TAF4: variants seen among roughly 807,000 people sequenced by gnomAD.
TAF4 encodes the protein transcription initiation factor TFIID subunit 4.
TAF4 carries 9 observed loss-of-function variants against 90.3 expected under a neutral mutation model. The ratio of observed to expected loss-of-function variants is 0.10; its 90% confidence interval spans 0.06 to 0.17. TAF4 has a LOEUF of 0.17. Ranked by LOEUF, TAF4 falls within the 10% of genes least tolerant of loss-of-function variation. TAF4 has a pLI of 1.00. For missense variants in TAF4, 1,351 were observed against 1,370.7 expected, an observed-to-expected ratio of 0.99 and a Z score of 0.23; for synonymous variants, 818 against 638.9, an observed-to-expected ratio of 1.28 and a Z score of -4.23.
At position 62,014,652 on chromosome 20, in the gene TAF4, G is replaced by C; in HGVS notation, c.1416C>G (p.Ala472=). 1.9e-6 allele frequency: 3 copies of C among 1,614,070 alleles called. No individual in the cohort carries two copies. The highest frequency in any genetic ancestry group is 1.7e-6 in the Non-Finnish European group (2 of 1,179,992). ...GGGCCTGCGCCTGCATCTGGGCCAA[G>C]GCCTGCTGAGGAATCATTAACAACT... ...NGQLLMIPQQ[A]LAQMQAQAHA... Residue 472 remains alanine, a synonymous_variant, in exon 2 of 15, where the codon GCC becomes GCG. Coordinates refer to ENST00000252996, the MANE Select transcript of TAF4 (RefSeq NM_003185.4).
At chr20:62,002,722 C>T (rs375265312) in intron 9 of TAF4, among the ~76,000 whole-genome samples, 2 of 152,100 alleles carry the variant, frequency 1.3e-5, no homozygotes, top group East Asian at 1.9e-4. Flanking sequence ...CTCAAACTCC[C>T]GGGCTCAAGC....
intron 1 of TAF4, among the ~76,000 whole-genome samples, chr20:62,032,584 T>A (rs1452614874): frequency 6.6e-6 from 1 of 152,196 alleles, no homozygotes; most frequent in African/African-American, 2.4e-5. Flanking sequence ...TCCCCAGCAC[T>A]CAACTCCCAA....
Position 62,065,275 on chromosome 20 carries a change from C to A in TAF4, c.536G>T (p.Gly179Val), listed in dbSNP as rs1251711877. Residue 179 changes from glycine to valine, a missense_variant, in exon 1 of 15, where the codon GGC becomes GTC. Physicochemically the swap from Gly to Val is moderately radical, Grantham distance 109. Coordinates refer to ENST00000252996, the MANE Select transcript of TAF4 (RefSeq NM_003185.4). ...GCCAGGGCCAGGGCCGGGGCCGGGG[C>A]CGGGGCCGGGCCCGGGGCCGGGGCC... ...RAGPGPGPGPGPGPGPGPGKP... is the reference protein window; with the variant it reads ...RAGPGPGPGPVPGPGPGPGKP... 5.4e-6 allele frequency: 5 copies of A among 921,850 alleles called. No homozygotes were observed. Among genetic ancestry groups the A allele is most frequent in the South Asian group, 4.9e-5 (1 of 20,462 alleles). 57.1% of individuals were successfully genotyped at this position (921,850 alleles called of 1,614,324 possible). A position where few individuals can be genotyped will look rare whatever the true frequency, so the allele number is the denominator to read the frequency against.
chr20:62,056,169 G>A (rs980218931), intron 1 of TAF4, among the ~76,000 whole-genome samples: 16 of 152,122 alleles, frequency 1.1e-4, no homozygotes, highest in African/African-American at 2.9e-4. Flanking sequence ...CCCGGGAGGC[G>A]GAGGTTGCAG....
chr20:61,985,630 A>G (rs1207142200), intron 14 of TAF4, among the ~76,000 whole-genome samples: 1 of 151,684 alleles, frequency 6.6e-6, no homozygotes, highest in Non-Finnish European at 1.5e-5. Flanking sequence ...AACTGAACAC[A>G]GAAGTACATC....
chr20:61,976,351 GAGA>G lies in TAF4; in HGVS notation c.3091-19_3091-17del. Reference sequence around the variant, plus strand: ...GGCCCGACCCCTGGTGATGAAAAAGGAGAAGACAGTGTGTTAGTGGGGCTCAGA... The same window carrying G: ...GGCCCGACCCCTGGTGATGAAAAAGGAGACAGTGTGTTAGTGGGGCTCAGA... On this transcript the variant is annotated splice_polypyrimidine_tract_variant and intron_variant, in intron 14 of 14. Coordinates refer to ENST00000252996, the MANE Select transcript of TAF4 (RefSeq NM_003185.4). 1 of 1,612,320 alleles carries G rather than the reference GAGA, an allele frequency of 6.2e-7. No individual in the cohort carries two copies. The highest frequency in any genetic ancestry group is 1.1e-5 in the South Asian group (1 of 91,032).
chr20:62,007,954 G>C (rs1301015492), intron 5 of TAF4: 2 of 218,892 alleles, frequency 9.1e-6, no homozygotes, highest in Non-Finnish European at 1.8e-5. Flanking sequence ...TCGGTGTCAG[G>C]CATTTTGCTA....
intron 1 of TAF4, among the ~76,000 whole-genome samples, chr20:62,061,690 C>T (rs1365902894): frequency 6.6e-6 from 1 of 152,228 alleles, no homozygotes; most frequent in Non-Finnish European, 1.5e-5. Flanking sequence ...CTATCCTAAG[C>T]TGTACATAAC....
intron 1 of TAF4, among the ~76,000 whole-genome samples, chr20:62,053,310 G>A (rs1031627094): frequency 9.5e-6 from 1 of 104,864 alleles, no homozygotes; most frequent in African/African-American, 3.9e-5. Flanking sequence ...CCTGAAACCA[G>A]GAGCCCATGA....
chr20:61,978,369 C>G (rs74177976), intron 14 of TAF4, among the ~76,000 whole-genome samples: 81 of 13,556 alleles, frequency 6.0e-3, no homozygotes, highest in African/African-American at 9.1e-3. Context: ...GAGGGCGCGA[C>G]ACCAACCAAG....
At chr20:61,993,302 G>A (rs1389419779) in intron 14 of TAF4, among the ~76,000 whole-genome samples, 3 of 152,186 alleles carry the variant, frequency 2.0e-5, no homozygotes, top group Non-Finnish European at 2.9e-5. Context: ...GCGTCCTGCC[G>A]CAGGGAGGCA....
chr20:62,007,801 G>A lies in TAF4; in HGVS notation c.1885-165C>T, dbSNP rs951312618. ...TGCTACACCTTTCACAGGTACATGT[G>A]TGACAGGCGCTCACCCTGGACACTG... On this transcript the variant is annotated intron_variant, in intron 5 of 14. Transcript: ENST00000252996. 6.4e-6 allele frequency: 4 copies of A among 622,702 alleles called. No individual in the cohort carries two copies. The African/African-American group carries it at 7.5e-5, about 12-fold the overall frequency. 38.6% of individuals were successfully genotyped at this position (622,702 alleles called of 1,614,324 possible). A position where few individuals can be genotyped will look rare whatever the true frequency, so the allele number is the denominator to read the frequency against.
chr20:62,042,795 T>C (rs1233735983), intron 1 of TAF4, among the ~76,000 whole-genome samples: 1 of 152,204 alleles, frequency 6.6e-6, no homozygotes, highest in Non-Finnish European at 1.5e-5. Flanking sequence ...AAACTTACAG[T>C]TAACTGTAAA....
At position 61,997,540 on chromosome 20, in the gene TAF4, A is replaced by G. The variant is rs2123119971; in HGVS notation, c.3090+10T>C. 3 of 1,571,350 alleles carry G rather than the reference A, an allele frequency of 1.9e-6. No individual in the cohort carries two copies. Among genetic ancestry groups the G allele is most frequent in the Non-Finnish European group, 2.6e-6 (3 of 1,161,322 alleles). Reference sequence around the variant, plus strand: ...TCCCCCAGGACCTCGATCCCACAACACTGCCGTACCTCTGCTCCTGAGCCC... The same window carrying G: ...TCCCCCAGGACCTCGATCCCACAACGCTGCCGTACCTCTGCTCCTGAGCCC... On this transcript the variant is annotated intron_variant, in intron 14 of 14. Transcript: ENST00000252996.
chr20:62,006,689 G>A lies in TAF4; in HGVS notation c.2044C>T (p.Pro682Ser). Residue 682 changes from proline (P) to serine (S), a missense_variant, in exon 7 of 15, where the codon CCG becomes TCG. Physicochemically the swap from Pro to Ser is moderately conservative, Grantham distance 74. Transcript: ENST00000252996. The surrounding 1 kb of genome is among the most constrained non-coding windows in gnomAD (Gnocchi z 7.0). Reference protein sequence around the residue: ...AAFIQQSQQQPPPPTSQATTA... With the variant: ...AAFIQQSQQQSPPPTSQATTA... ...GTGGCCTGCGAGGTGGGCGGTGGCG[G>A]CTGCTGCTGGCTCTGCTGGATGAAG... 1 of 1,591,388 alleles carries A rather than the reference G, an allele frequency of 6.3e-7. No homozygotes were observed. The highest frequency in any genetic ancestry group is 8.6e-7 in the Non-Finnish European group (1 of 1,165,240).
chr20:62,020,340 G>A (rs2055835767), intron 1 of TAF4, among the ~76,000 whole-genome samples: 1 of 152,232 alleles, frequency 6.6e-6, no homozygotes. Flanking sequence ...GAGGCTACAG[G>A]ACTCTCTGGC....
intron 1 of TAF4, among the ~76,000 whole-genome samples, chr20:62,054,674 C>T (rs571335535): frequency 5.9e-5 from 9 of 152,256 alleles, no homozygotes; most frequent in East Asian, 1.9e-4. Context: ...GCCAGATGCA[C>T]CCTATGAATG....
At chr20:61,980,584 A>G (rs1217163993) in intron 14 of TAF4, 1 of 152,298 alleles carries the variant, frequency 6.6e-6, no homozygotes, top group African/African-American at 2.4e-5. Context: ...GTTTTGAAGA[A>G]CAGCAGTAGT....
At chr20:61,999,223 A>G (rs2055682753) in intron 11 of TAF4, 115 bp from the exon 12 acceptor site, 1 of 1,375,798 alleles carries the variant, frequency 7.3e-7, no homozygotes, top group Admixed American at 1.9e-5. Flanking sequence ...TCCAGTCTGA[A>G]TGCGGCGAGG....
Sources: gnomAD v4.1 joint callset for allele counts (sites outside exome capture counted in the v4.1 genomes callset) on GRCh38, gnomAD v4.1.1 for gene constraint, Gnocchi (gnomAD v3.1) non-coding constraint, MANE v1.5 for transcripts, NCBI Gene and HGNC (gene_info 2026-07-23, HGNC 2026-07-21) for gene names.